Variants in HCN1 observed in about 807,000 individuals in gnomAD.
HCN1 encodes potassium/sodium hyperpolarization-activated cyclic nucleotide-gated channel 1.
HCN1 carries 13 observed loss-of-function variants against 78.9 expected under a neutral mutation model. That is an observed-to-expected ratio of 0.16 (90% CI 0.11 to 0.26). HCN1 has a LOEUF of 0.26. Among genes scored for constraint, HCN1 ranks in the 10% least tolerant of loss-of-function variants. HCN1 has a pLI of 1.00. For synonymous variants in HCN1, 552 were observed against 455.5 expected (o/e 1.21, Z -2.70); for missense variants, 810 against 1,154.3 (o/e 0.70, Z 4.32).
intron 2 of HCN1, among the ~76,000 whole-genome samples, chr5:45,500,688 G>A (rs895609516): frequency 3.3e-5 from 5 of 152,018 alleles, no homozygotes. Context: ...CGTCAGCATG[G>A]TGATATAGGT....
chr5:45,374,018 ATT>A (rs1395881991), intron 4 of HCN1, among the ~76,000 whole-genome samples: 11 of 108,164 alleles, frequency 1.0e-4, no homozygotes, highest in African/African-American at 1.5e-4. Flanking sequence ...CATAATATAT[ATT>A]ATATATATTA....
At chr5:45,570,562 GC>G (rs1288690988) in intron 2 of HCN1, among the ~76,000 whole-genome samples, 6 of 152,078 alleles carry the variant, frequency 3.9e-5, no homozygotes, top group Non-Finnish European at 5.9e-5. Flanking sequence ...AGAATCGGGA[GC>G]TAAATATCTT....
intron 2 of HCN1, among the ~76,000 whole-genome samples, chr5:45,580,938 T>C (rs1240548769): frequency 6.6e-6 from 1 of 152,234 alleles, no homozygotes; most frequent in African/African-American, 2.4e-5. Context: ...AGTCTATCAT[T>C]GTTGGACATT....
chr5:45,508,805 T>G (rs2111750979), intron 2 of HCN1, among the ~76,000 whole-genome samples: 1 of 152,280 alleles, frequency 6.6e-6, no homozygotes, highest in African/African-American at 2.4e-5. Context: ...TATTATTTAG[T>G]TTGATAAACT....
At chr5:45,443,495 G>A (rs1000975789) in intron 3 of HCN1, among the ~76,000 whole-genome samples, 8 of 151,980 alleles carry the variant, frequency 5.3e-5, no homozygotes, top group African/African-American at 1.7e-4. Context: ...CTAAGTAAAT[G>A]TAATTTTACA....
At chr5:45,371,947 A>T (rs192971219) in intron 4 of HCN1, among the ~76,000 whole-genome samples, 16,262 of 95,222 alleles carry the variant, frequency 0.17, 1,637 homozygotes, top group East Asian at 0.34. Flanking sequence ...TATAATATAT[A>T]ATATAATATA....
At chr5:45,288,231 G>A (rs376188644) in intron 6 of HCN1, among the ~76,000 whole-genome samples, 1 of 151,968 alleles carries the variant, frequency 6.6e-6, no homozygotes, top group East Asian at 1.9e-4. Flanking sequence ...AACCACCGGA[G>A]CATGAATCAT....
intron 2 of HCN1, among the ~76,000 whole-genome samples, chr5:45,509,444 C>T (rs1049146220): frequency 6.6e-6 from 1 of 152,118 alleles, no homozygotes; most frequent in Non-Finnish European, 1.5e-5. Context: ...ACTTCAGTCA[C>T]CACCACATTC....
intron 5 of HCN1, among the ~76,000 whole-genome samples, chr5:45,342,946 T>G (rs1374762654): frequency 1.3e-5 from 2 of 152,146 alleles, no homozygotes; most frequent in Non-Finnish European, 2.9e-5. Context: ...TAAGTAGCAC[T>G]CTTATATTAC....
chr5:45,668,478 T>G (rs527411906), intron 1 of HCN1, among the ~76,000 whole-genome samples: 1 of 152,046 alleles, frequency 6.6e-6, no homozygotes, highest in African/African-American at 2.4e-5. Flanking sequence ...TCCCTAGCCA[T>G]GTGGAATTGT....
At chr5:45,617,866 T>C (rs1461969899) in intron 2 of HCN1, among the ~76,000 whole-genome samples, 3 of 152,084 alleles carry the variant, frequency 2.0e-5, no homozygotes, top group East Asian at 3.9e-4. Flanking sequence ...AAAAAAGACA[T>C]TCCAATGAGA....
chr5:45,658,877 A>G (rs947554543), intron 1 of HCN1, among the ~76,000 whole-genome samples: 4 of 148,364 alleles, frequency 2.7e-5, no homozygotes, highest in African/African-American at 9.9e-5. Flanking sequence ...AGGCTGGGGG[A>G]GGGGCGCCCG....
At chr5:45,354,458 T>C (rs1174434954) in intron 4 of HCN1, among the ~76,000 whole-genome samples, 1 of 152,012 alleles carries the variant, frequency 6.6e-6, no homozygotes, top group Non-Finnish European at 1.5e-5. Flanking sequence ...ATGGACAAGA[T>C]TTTCTGAAAT....
chr5:45,576,260 G>GATGGA (rs1743943545), intron 2 of HCN1: 1 of 151,746 alleles, frequency 6.6e-6, no homozygotes, highest in Non-Finnish European at 1.5e-5. Context: ...GGTTTCTTGA[G>GATGGA]ATGGAATCTA....
intron 2 of HCN1, among the ~76,000 whole-genome samples, chr5:45,551,244 A>T (rs1200231806): frequency 6.6e-6 from 1 of 152,000 alleles, no homozygotes; most frequent in Non-Finnish European, 1.5e-5. Context: ...AGAATTGGTC[A>T]GTAAGCACTA....
chr5:45,414,998 G>A (rs928321691), intron 3 of HCN1, among the ~76,000 whole-genome samples: 16 of 151,924 alleles, frequency 1.1e-4, no homozygotes, highest in African/African-American at 2.2e-4. Context: ...TTACACTTCC[G>A]TACACTCTGT....
rs1054045338 is a variant in HCN1, at chr5:45,260,798, G to A, written c.*1123C>T. 6.6e-6 allele frequency: 1 copy of A among 152,500 alleles called. No homozygotes were observed. Among genetic ancestry groups the A allele is most frequent in the African/African-American group, 2.4e-5 (1 of 41,408 alleles). The allele number at this position is 152,500 out of a possible 1,614,324, so 9.4% of individuals were successfully genotyped here. Reference sequence around the variant, plus strand: ...GTCAGAGATCCAAGTCAGCCTTATAGGAATTATAAGATAGGCAATTAATGA... The same window carrying A: ...GTCAGAGATCCAAGTCAGCCTTATAAGAATTATAAGATAGGCAATTAATGA... On this transcript the variant is annotated 3_prime_UTR_variant, in exon 8 of 8. Transcript: ENST00000303230.
intron 5 of HCN1, among the ~76,000 whole-genome samples, chr5:45,322,426 A>G (rs900226507): frequency 6.6e-6 from 1 of 151,824 alleles, no homozygotes; most frequent in Non-Finnish European, 1.5e-5. Context: ...AATTATAACA[A>G]CAACCCAATG....
intron 3 of HCN1, among the ~76,000 whole-genome samples, chr5:45,402,860 C>T (rs988270883): frequency 6.9e-5 from 10 of 144,006 alleles, no homozygotes; most frequent in Admixed American, 5.7e-4. Context: ...TCCTTCCTTC[C>T]TTCCTCTACT....
Sources: gnomAD v4.1 joint callset for allele counts (sites outside exome capture counted in the v4.1 genomes callset) on GRCh38, gnomAD v4.1.1 for gene constraint, MANE v1.5 for transcripts, NCBI Gene and HGNC (gene_info 2026-07-23, HGNC 2026-07-21) for gene names.